The following KCNQ1 variants were observed in gnomAD, a reference collection of about 807,000 sequenced individuals.
The protein encoded by KCNQ1 is potassium voltage-gated channel subfamily KQT member 1.
A neutral mutation model predicts 72.4 loss-of-function variants in KCNQ1; 49 were observed. The observed-to-expected ratio is 0.68, with a 90% confidence interval of 0.54 to 0.86. The LOEUF is 0.86. KCNQ1 is among the 40% of genes least tolerant of loss of function. The pLI is 0.00. For missense variants in KCNQ1, 790 were observed against 945.1 expected (o/e 0.84, Z 2.15); for synonymous variants, 450 against 412.6 (o/e 1.09, Z -1.10).
At chr11:2,776,929 T>C in intron 13 of KCNQ1, 57 bp from the exon 14 acceptor site, 1 of 1,523,814 alleles carries the variant, frequency 6.6e-7, no homozygotes, top group Non-Finnish European at 9.1e-7. Context: ...CAGACGACAG[T>C]GCATCTGCGC....
chr11:2,573,971 A>AG (rs1848379701), intron 6 of KCNQ1, among the ~76,000 whole-genome samples: 1 of 152,164 alleles, frequency 6.6e-6, no homozygotes, highest in Non-Finnish European at 1.5e-5. Flanking sequence ...AGGCATTTTT[A>AG]GGGGGCAGGC....
In KCNQ1 at chr11:2,769,251, A is replaced by T. The variant is rs117840566; in HGVS notation, c.1590+332A>T. ...CAAGGCAGCATTAGTGAGAGATGTG[A>T]GGGTGACATCAGAATGACTCAGAGA... On this transcript the variant is annotated intron_variant, in intron 12 of 15. Transcript: ENST00000155840. This position sits in a 1 kb window ranked among gnomAD's most constrained non-coding sequence, Gnocchi z 4.6. Among the ~76,000 whole-genome samples, 2,568 of 152,186 alleles carry T rather than the reference A, an allele frequency of 0.017. 114 individuals are homozygous for T. Among genetic ancestry groups the T allele is most frequent in the East Asian group, 0.13 (681 of 5,150 alleles).
chr11:2,747,832 G>T (rs996780260), intron 11 of KCNQ1, among the ~76,000 whole-genome samples: 2 of 152,042 alleles, frequency 1.3e-5, no homozygotes, highest in Admixed American at 6.5e-5. Flanking sequence ...GCAGGGTGAG[G>T]CTGGCTGGAG....
Position 2,507,961 on chromosome 11 carries a change from G to C in KCNQ1, c.387-19967G>C, listed in dbSNP as rs1847130717. Among the ~76,000 whole-genome samples, 1 of 152,092 alleles carries C rather than the reference G, an allele frequency of 6.6e-6. No homozygotes were observed. On this transcript the variant is annotated intron_variant, in intron 1 of 15. Coordinates refer to ENST00000155840, the MANE Select transcript of KCNQ1 (RefSeq NM_000218.3). The surrounding 1 kb of genome is among the most constrained non-coding windows in gnomAD (Gnocchi z 5.4). Reference sequence around the variant, plus strand: ...GAACTGGCCTTGACTTGGTGATGTGGGGTTATGAGTTTTATTCCACACACG... The same window carrying C: ...GAACTGGCCTTGACTTGGTGATGTGCGGTTATGAGTTTTATTCCACACACG...
chr11:2,471,990 A>G lies in KCNQ1; in HGVS notation c.386+26506A>G, dbSNP rs1413135646. Reference sequence around the variant, plus strand: ...TATGGGTGTGTGTGCACCTATGTGTATAAGTGTGTGTGCACATGTGTATAG... The same window carrying G: ...TATGGGTGTGTGTGCACCTATGTGTGTAAGTGTGTGTGCACATGTGTATAG... On this transcript the variant is annotated intron_variant, in intron 1 of 15. Coordinates refer to ENST00000155840, the MANE Select transcript of KCNQ1 (RefSeq NM_000218.3). The surrounding 1 kb of genome is among the most constrained non-coding windows in gnomAD (Gnocchi z 4.8). 2.0e-5 allele frequency among the ~76,000 whole-genome samples: 3 copies of G among 146,452 alleles called. No individual in the cohort carries two copies. Among genetic ancestry groups the G allele is most frequent in the African/African-American group, 7.6e-5 (3 of 39,268 alleles).
In KCNQ1 at chr11:2,621,822, T is replaced by A. The variant is rs1341391233; in HGVS notation, c.1393+32968T>A. 1.0e-5 allele frequency: 4 copies of A among 398,250 alleles called. No homozygotes were observed. Among genetic ancestry groups the A allele is most frequent in the African/African-American group, 8.2e-5 (4 of 48,640 alleles). The allele number at this position is 398,250 out of a possible 1,614,324, so 24.7% of individuals were successfully genotyped here. On this transcript the variant is annotated intron_variant, in intron 10 of 15. Coordinates refer to ENST00000155840, the MANE Select transcript of KCNQ1 (RefSeq NM_000218.3). The surrounding 1 kb of genome is among the most constrained non-coding windows in gnomAD (Gnocchi z 5.7). The stretch of plus-strand genomic sequence containing the variant: ...AAAATCAATTCTTTGTTTCAAAAAT[T>A]GAAGTCTTAGTTTTACTGACTTTTT...
chr11:2,716,703 G>A (rs1590049211), intron 11 of KCNQ1, among the ~76,000 whole-genome samples: 1 of 152,246 alleles, frequency 6.6e-6, no homozygotes, highest in South Asian at 2.1e-4. Context: ...ACTACGGAAG[G>A]CAGCCGTGAA....
intron 8 of KCNQ1, 89 bp downstream of exon 8, chr11:2,585,396 T>C (rs1416286913): frequency 3.8e-5 from 45 of 1,177,910 alleles, no homozygotes; most frequent in Non-Finnish European, 4.7e-5. Context: ...AGAACCATCA[T>C]TGGCCCCTGC....
At chr11:2,640,739 T>C (rs1849562091) in intron 10 of KCNQ1, 2 of 398,558 alleles carry the variant, frequency 5.0e-6, no homozygotes, top group Non-Finnish European at 8.8e-6. Context: ...TATTGTTAAA[T>C]ATAGTCAACC....
intron 15 of KCNQ1, among the ~76,000 whole-genome samples, chr11:2,844,343 G>A (rs1848276096): frequency 6.6e-6 from 1 of 152,198 alleles, no homozygotes; most frequent in South Asian, 2.1e-4. Context: ...CCCACCCCCG[G>A]GGCCTCTGTC....
At chr11:2,569,136 G>A (rs544165842) in intron 2 of KCNQ1, among the ~76,000 whole-genome samples, 1 of 152,206 alleles carries the variant, frequency 6.6e-6, no homozygotes, top group South Asian at 2.1e-4. Context: ...TGCCTGCCTC[G>A]GCCTCCCAGA....
At chr11:2,799,375 A>G (rs924518541) in intron 15 of KCNQ1, among the ~76,000 whole-genome samples, 1 of 147,310 alleles carries the variant, frequency 6.8e-6, no homozygotes. Flanking sequence ...TGTAAGTTCG[A>G]GTGTGTGTGT....
intron 10 of KCNQ1, chr11:2,650,812 T>C: frequency 2.5e-6 from 1 of 398,638 alleles, no homozygotes; most frequent in Non-Finnish European, 4.4e-6. Flanking sequence ...GGTCATGTGG[T>C]TTTATTTGCA....
intron 10 of KCNQ1, chr11:2,648,905 A>G (rs1346283445): frequency 2.5e-6 from 1 of 397,886 alleles, no homozygotes; most frequent in Non-Finnish European, 4.4e-6. Flanking sequence ...GGTTGCATAT[A>G]TAATTGTTAT....
At chr11:2,794,514 C>T (rs777486576) in intron 15 of KCNQ1, among the ~76,000 whole-genome samples, 10 of 152,080 alleles carry the variant, frequency 6.6e-5, no homozygotes, top group East Asian at 1.9e-4. Flanking sequence ...TGGTCAGGGG[C>T]GGCACAGGGG....
In KCNQ1 at chr11:2,687,467, C is replaced by T; in HGVS notation, c.1514+25386C>T. ...ATCCCTGCCTGCACAAGAGCTGCTG[C>T]AGCATTTCAATAGGGCCATCCCAGG... On this transcript the variant is annotated intron_variant, in intron 11 of 15. Transcript: ENST00000155840. The surrounding 1 kb of genome is among the most constrained non-coding windows in gnomAD (Gnocchi z 5.0). The T allele has an allele frequency of 2.5e-6, 1 of 398,834 alleles. No individual in the cohort carries two copies. The highest frequency in any genetic ancestry group is 2.1e-5 in the African/African-American group (1 of 48,736). 24.7% of individuals were successfully genotyped at this position (398,834 alleles called of 1,614,324 possible). A position where few individuals can be genotyped will look rare whatever the true frequency, so the allele number is the denominator to read the frequency against.
rs1428897318 is a variant in KCNQ1 at position 2,824,641 on chromosome 11, AGAGT to A, written c.1795-23122_1795-23119del. Among the ~76,000 whole-genome samples the A allele has an allele frequency of 6.6e-6, 1 of 151,860 alleles. No homozygotes were observed. The highest frequency in any genetic ancestry group is 1.5e-5 in the Non-Finnish European group (1 of 67,962). ...TGGCAAGAGATTGCAGGGAGAGGAG[AGAGT>A]GAGAATGGGGCCACTCAAGGGGTGA... On this transcript the variant is annotated intron_variant, in intron 15 of 15. Coordinates refer to ENST00000155840, the MANE Select transcript of KCNQ1 (RefSeq NM_000218.3). This position sits in a 1 kb window ranked among gnomAD's most constrained non-coding sequence, Gnocchi z 5.9.
intron 2 of KCNQ1, among the ~76,000 whole-genome samples, chr11:2,531,418 G>A (rs555515315): frequency 1.3e-5 from 2 of 152,094 alleles, no homozygotes; most frequent in Non-Finnish European, 2.9e-5. Context: ...GACCAGGTAG[G>A]GTTGCTCCCT....
chr11:2,445,880 A>C (rs1029170866), intron 1 of KCNQ1, among the ~76,000 whole-genome samples: 21 of 152,180 alleles, frequency 1.4e-4, no homozygotes, highest in African/African-American at 5.1e-4. Context: ...AGGAGCCCCC[A>C]AGAGAGAAGG....
Sources: gnomAD v4.1 joint callset for allele counts (sites outside exome capture counted in the v4.1 genomes callset) on GRCh38, gnomAD v4.1.1 for gene constraint, Gnocchi (gnomAD v3.1) non-coding constraint, MANE v1.5 for transcripts, NCBI Gene and HGNC (gene_info 2026-07-23, HGNC 2026-07-21) for gene names.